Variants in VARS2 observed in about 807,000 individuals in gnomAD.
The protein encoded by VARS2 is valine--tRNA ligase, mitochondrial.
A neutral mutation model predicts 154.1 loss-of-function variants in VARS2; 105 were observed. The observed-to-expected ratio is 0.68, with a 90% CI of 0.58 to 0.80. The LOEUF (loss-of-function observed/expected upper bound fraction) is 0.80, where lower values mean the gene tolerates loss of function less well. VARS2 is among the 30% of genes least tolerant of loss of function. The pLI, the probability that VARS2 is intolerant of heterozygous loss-of-function variation, is 0.00. For synonymous variants in VARS2, 483 were observed against 539.5 expected (o/e 0.90, Z 1.45); for missense variants, 1,157 against 1,361.4 (o/e 0.85, Z 2.36).
chr6:30,922,586 G>T (rs763773028), intron 21 of VARS2, 32 bp downstream of exon 21: 19 of 1,557,544 alleles, frequency 1.2e-5, no homozygotes, highest in Admixed American at 3.7e-5. Flanking sequence ...GAGGGACAAG[G>T]TTTGCAGGGT....
In VARS2 at chr6:30,922,540, G is replaced by T; in HGVS notation, c.2023G>T (p.Gly675Trp). The T allele has an allele frequency of 1.3e-6, 2 of 1,565,544 alleles. No homozygotes were observed. Among genetic ancestry groups the T allele is most frequent in the East Asian group, 4.5e-5 (2 of 44,420 alleles). Reference protein sequence around the residue: ...NVLDPRDIISGVEMQVLQEKL... With the variant: ...NVLDPRDIISWVEMQVLQEKL... ...GCTGGACCCAAGAGACATCATCAGT[G>T]GGGTGGAGATGCAGGTGAGGACGAA... Residue 675 changes from glycine to tryptophan, a missense_variant, in exon 21 of 30, where the codon GGG becomes TGG. Transcript: ENST00000676266.
At chr6:30,915,272 CAT>C in intron 3 of VARS2, 35 bp downstream of exon 3, 1 of 1,612,454 alleles carries the variant, frequency 6.2e-7, no homozygotes, top group Non-Finnish European at 8.5e-7. Context: ...TTTTCTTTCA[CAT>C]ATGTGTTGCC....
chr6:30,923,688 C>A, intron 25 of VARS2, 183 bp downstream of exon 25: 1 of 808,428 alleles, frequency 1.2e-6, no homozygotes, highest in Non-Finnish European at 1.9e-6. Flanking sequence ...GCAGCCCAGG[C>A]ACTGTTGCCT....
Position 30,923,186 on chromosome 6 carries a change from C to T in VARS2, c.2268C>T (p.Ile756=), listed in dbSNP as rs1175823080. ...CNKIWNALRF[I]LNALGEKFVP... is the part of the protein sequence containing the mutation. ...AGATCTGGAATGCTCTTCGCTTTAT[C>T]CTCAATGCTTTAGGGGAGAAATTTG... Residue 756 remains isoleucine (I), a synonymous_variant, in exon 24 of 30, where the codon ATC becomes ATT. Coordinates refer to ENST00000676266, the MANE Select transcript of VARS2 (RefSeq NM_020442.6). The T allele has an allele frequency of 1.9e-6, 3 of 1,613,106 alleles. No homozygotes were observed. The highest frequency in any genetic ancestry group is 1.1e-5 in the South Asian group (1 of 91,086).
At chr6:30,922,383 A>T in intron 20 of VARS2, 67 bp from the exon 21 acceptor site, 3 of 1,606,606 alleles carry the variant, frequency 1.9e-6, no homozygotes, top group South Asian at 1.1e-5. Context: ...CCCCAAAAGT[A>T]TGGAGGCCAG....
At chr6:30,922,026 G>A in intron 19 of VARS2, 31 bp downstream of exon 19, 1 of 1,612,854 alleles carries the variant, frequency 6.2e-7, no homozygotes. Context: ...GAAAGTGAAG[G>A]GGAAACGATA....
In VARS2 at chr6:30,922,432, A is replaced by T; in HGVS notation, c.1933-18A>T. 6.2e-7 allele frequency: 1 copy of T among 1,607,436 alleles called. No homozygotes were observed. Among genetic ancestry groups the T allele is most frequent in the Non-Finnish European group, 8.5e-7 (1 of 1,177,612 alleles). On this transcript the variant is annotated intron_variant, in intron 20 of 29. Coordinates refer to ENST00000676266, the MANE Select transcript of VARS2 (RefSeq NM_020442.6). ...CCTCCAAGGAAACCCCCCTCTGTTGACCCCTCCCTGCCCCCAGGTGCTTCT... is the reference window on the plus strand; with the variant it reads ...CCTCCAAGGAAACCCCCCTCTGTTGTCCCCTCCCTGCCCCCAGGTGCTTCT...
In VARS2 at chr6:30,920,195, C is replaced by A. The variant is rs2285319; in HGVS notation, c.1272C>A (p.Ser424=). 2 of 1,582,906 alleles carry A rather than the reference C, an allele frequency of 1.3e-6. No homozygotes were observed. The highest frequency in any genetic ancestry group is 1.7e-6 in the Non-Finnish European group (2 of 1,163,328). The part of the protein sequence containing the change: ...NVIAEDGTMT[S]LCGDWLQGLH... ...TTGCGGAGGATGGGACCATGACCTC[C>A]CTCTGCGGGGACTGGCTGCAGGTGG... Residue 424 remains serine, a synonymous_variant, in exon 13 of 30, where the codon TCC becomes TCA. Transcript: ENST00000676266. The surrounding 1 kb of genome is among the most constrained non-coding windows in gnomAD (Gnocchi z 4.6).
At chr6:30,923,030 A>G (rs983012741) in intron 23 of VARS2, 54 bp downstream of exon 23, 49 of 1,605,684 alleles carry the variant, frequency 3.1e-5, no homozygotes, top group Non-Finnish European at 3.9e-5. Context: ...GCACCTGTGC[A>G]GGGGCAGGGC....
chr6:30,919,124 G>A lies in VARS2; in HGVS notation c.1074+209G>A, dbSNP rs1475041595. The stretch of plus-strand genomic sequence containing the variant: ...GGCCCATGGTCCTAATCCAGCTTGC[G>A]GCCTTTTTTTTTGAGACAGAGTCTC... On this transcript the variant is annotated intron_variant, in intron 11 of 29. Transcript: ENST00000676266. The surrounding 1 kb of genome is among the most constrained non-coding windows in gnomAD (Gnocchi z 4.5). 3 of 535,564 alleles carry A rather than the reference G, an allele frequency of 5.6e-6. No individual in the cohort carries two copies. The highest frequency in any genetic ancestry group is 2.6e-5 in the South Asian group (1 of 38,600). 33.2% of individuals were successfully genotyped at this position (535,564 alleles called of 1,614,324 possible).
Position 30,917,556 on chromosome 6 carries a change from G to C in VARS2, c.874-139G>C. ...CACGAGCATTGGGTGAGGGCAGAGG[G>C]AGGTAGCTCCCGAATCCTCCAAATG... On this transcript the variant is annotated intron_variant, in intron 9 of 29. Coordinates refer to ENST00000676266, the MANE Select transcript of VARS2 (RefSeq NM_020442.6). This position sits in a 1 kb window ranked among gnomAD's most constrained non-coding sequence, Gnocchi z 4.4. The C allele has an allele frequency of 1.2e-6, 1 of 803,336 alleles. No homozygotes were observed. The highest frequency in any genetic ancestry group is 1.9e-6 in the Non-Finnish European group (1 of 515,256). 49.8% of individuals were successfully genotyped at this position (803,336 alleles called of 1,614,324 possible).
chr6:30,926,165 G>T lies in VARS2; in HGVS notation c.3147G>T (p.Arg1049=). 5.0e-6 allele frequency: 8 copies of T among 1,613,088 alleles called. No individual in the cohort carries two copies. Among genetic ancestry groups the T allele is most frequent in the African/African-American group, 1.3e-5 (1 of 75,048 alleles). The change falls in exon 30 of 30, where the codon CGG becomes CGT. Residue 1049 remains arginine, a synonymous_variant. Coordinates refer to ENST00000676266, the MANE Select transcript of VARS2 (RefSeq NM_020442.6). The part of the protein sequence containing the change: ...SKLDKAASHL[R]QLMDEPPAPG... ...TGGACAAGGCAGCCTCTCACCTCCG[G>T]CAGCTGATGGATGAGCCTCCAGCCC...
At position 30,915,984 on chromosome 6, in the gene VARS2, C is replaced by T. The variant is rs775077106; in HGVS notation, c.510C>T (p.His170=). Reference sequence around the variant, plus strand: ...CAGGAGGGCATTTTTGTTGCAGGCACCGGATGCGTGGGGATCAAGTGCTGT... The same window carrying T: ...CAGGAGGGCATTTTTGTTGCAGGCATCGGATGCGTGGGGATCAAGTGCTGT... The part of the protein sequence containing the change: ...VAIQDALVRW[H]RMRGDQVLWV... The change falls in exon 6 of 30, where the codon CAC becomes CAT. Residue 170 remains histidine (H), a synonymous_variant. Coordinates refer to ENST00000676266, the MANE Select transcript of VARS2 (RefSeq NM_020442.6). 6.2e-7 allele frequency: 1 copy of T among 1,614,028 alleles called. No homozygotes were observed. Among genetic ancestry groups the T allele is most frequent in the Non-Finnish European group, 8.5e-7 (1 of 1,179,904 alleles).
intron 28 of VARS2, 69 bp from the exon 29 acceptor site, chr6:30,925,811 C>A: frequency 6.2e-7 from 1 of 1,610,904 alleles, no homozygotes; most frequent in Middle Eastern, 2.1e-4. Flanking sequence ...GGGGAAGGGA[C>A]CTTCTAATGG....
At position 30,920,429 on chromosome 6, in the gene VARS2, A is replaced by C; in HGVS notation, c.1390A>C (p.Ile464Leu). 5 of 1,605,800 alleles carry C rather than the reference A, an allele frequency of 3.1e-6. No homozygotes were observed. Among genetic ancestry groups the C allele is most frequent in the Non-Finnish European group, 4.2e-6 (5 of 1,177,080 alleles). The change falls in exon 14 of 30, where the codon ATC (isoleucine) becomes CTC (leucine). Residue 464 changes from isoleucine (I) to leucine (L), a missense_variant. Transcript: ENST00000676266. The surrounding 1 kb of genome is among the most constrained non-coding windows in gnomAD (Gnocchi z 4.6). ...CCAGAACCACCCCATGGTACTGCCC[A>C]TCTGCAGGTAACCTCATTTTAACTC... is the stretch of plus-strand genomic sequence containing the variant. ...GLQNHPMVLP[I>L]CSRSGDVIEY...
rs1269616734 is a variant in VARS2 at position 30,915,974 on chromosome 6, G to A, written c.507-7G>A. The A allele has an allele frequency of 2.5e-6, 4 of 1,614,040 alleles. No homozygotes were observed. Among genetic ancestry groups the A allele is most frequent in the Non-Finnish European group, 3.4e-6 (4 of 1,179,902 alleles). Reference sequence around the variant, plus strand: ...CAGGGGCTCACAGGAGGGCATTTTTGTTGCAGGCACCGGATGCGTGGGGAT... The same window carrying A: ...CAGGGGCTCACAGGAGGGCATTTTTATTGCAGGCACCGGATGCGTGGGGAT... On this transcript the variant is annotated splice_polypyrimidine_tract_variant and splice_region_variant and intron_variant, in intron 5 of 29. Coordinates refer to ENST00000676266, the MANE Select transcript of VARS2 (RefSeq NM_020442.6).
intron 10 of VARS2, 181 bp from the exon 11 acceptor site, chr6:30,918,646 T>A (rs1397704942): frequency 5.1e-6 from 3 of 584,114 alleles, no homozygotes; most frequent in Non-Finnish European, 9.3e-6. Context: ...GTCATCAGCT[T>A]ATGGGAAACC....
chr6:30,915,130 C>T (rs768086193), intron 2 of VARS2, 26 bp from the exon 3 acceptor site: 13 of 1,613,304 alleles, frequency 8.1e-6, no homozygotes, highest in African/African-American at 1.3e-5. Context: ...TACTGGATCC[C>T]AGCCTCTTCT....
intron 11 of VARS2, 25 bp downstream of exon 11, chr6:30,918,940 T>C: frequency 6.3e-7 from 1 of 1,596,912 alleles, no homozygotes; most frequent in Non-Finnish European, 8.6e-7. Flanking sequence ...GCTCCTGCAC[T>C]CTGGCCCGCC....
Sources: gnomAD v4.1 joint callset for allele counts on GRCh38, gnomAD v4.1.1 for gene constraint, Gnocchi (gnomAD v3.1) non-coding constraint, MANE v1.5 for transcripts, NCBI Gene and HGNC (gene_info 2026-07-23, HGNC 2026-07-21) for gene names.